The following ZNF605 variants were observed in gnomAD, a reference collection of about 807,000 sequenced individuals.
The protein encoded by ZNF605 is zinc finger protein 605.
In ZNF605, 9 loss-of-function variants were observed where a neutral mutation model predicts 7.9. That is an observed-to-expected ratio of 1.14 (90% CI 0.68 to 1.98). ZNF605 has a LOEUF of 1.98. Among genes scored for constraint, ZNF605 ranks in the 30% most tolerant of loss-of-function variants. The probability of loss-of-function intolerance (pLI) is 0.00; values close to 1 mark genes in which losing one functional copy is unlikely to be tolerated. For synonymous variants in ZNF605, 255 were observed against 260.1 expected, an observed-to-expected ratio of 0.98 and a Z score of 0.19; for missense variants, 673 against 762.4, an observed-to-expected ratio of 0.88 and a Z score of 1.38.
At position 132,922,403 on chromosome 12, in the gene ZNF605, C is replaced by T. The variant is rs1023429619; in HGVS notation, c.*2970G>A. On this transcript the variant is annotated 3_prime_UTR_variant, in exon 5 of 5. Coordinates refer to ENST00000360187, the MANE Select transcript of ZNF605 (RefSeq NM_183238.4). ...TGGTAACAATCTCCAGAGCCACTGA[C>T]ATATGCAGCAGAAAAGCACAAAGAA... 5.9e-5 allele frequency: 9 copies of T among 152,264 alleles called. No homozygotes were observed. The highest frequency in any genetic ancestry group is 2.2e-4 in the African/African-American group (9 of 41,558). The allele number at this position is 152,264 out of a possible 1,614,324, so 9.4% of individuals were successfully genotyped here.
intron 1 of ZNF605, among the ~76,000 whole-genome samples, chr12:132,950,766 C>T (rs1401996794): frequency 6.8e-6 from 1 of 146,910 alleles, no homozygotes; most frequent in African/African-American, 2.6e-5. Flanking sequence ...AACACACGTA[C>T]ATCACAGACA....
At chr12:132,942,366 G>A (rs1456953576) in intron 3 of ZNF605, among the ~76,000 whole-genome samples, 2 of 152,198 alleles carry the variant, frequency 1.3e-5, no homozygotes, top group African/African-American at 4.8e-5. Flanking sequence ...GCTTCCTCAC[G>A]GTGCTGACGA....
Position 132,926,453 on chromosome 12 carries a change from ACTGTAGGGTTTCT to A in ZNF605, c.833_845del (p.Glu278ValfsTer13). The A allele has an allele frequency of 6.2e-7, 1 of 1,613,496 alleles. No individual in the cohort carries two copies. Among genetic ancestry groups the A allele is most frequent in the Non-Finnish European group, 8.5e-7 (1 of 1,179,878 alleles). On this transcript the variant is annotated frameshift_variant, in exon 5 of 5. Transcript: ENST00000360187. LOFTEE classifies it low-confidence loss of function (END_TRUNC). ...AGAATGCTTTCCCACACTCACTGCA[ACTGTAGGGTTTCT>A]CTATTGTGTGCGTTATCTGATGTCT...
intron 3 of ZNF605, among the ~76,000 whole-genome samples, chr12:132,939,410 A>C: frequency 6.6e-6 from 1 of 152,130 alleles, no homozygotes; most frequent in Non-Finnish European, 1.5e-5. Flanking sequence ...CTCTGTATCT[A>C]GCTCAAGGTT....
In ZNF605 at chr12:132,941,296, T is replaced by C. The variant is rs1482455106; in HGVS notation, c.15+4325A>G. Among the ~76,000 whole-genome samples, 3 of 152,158 alleles carry C rather than the reference T, an allele frequency of 2.0e-5. No homozygotes were observed. Among genetic ancestry groups the C allele is most frequent in the Non-Finnish European group, 4.4e-5 (3 of 68,038 alleles). ...AAGACGGTGAACCACGGGAAACAGC[T>C]GTCCTGCTTTCCAGACTCTGGTCAA... On this transcript the variant is annotated intron_variant, in intron 3 of 4. Coordinates refer to ENST00000360187, the MANE Select transcript of ZNF605 (RefSeq NM_183238.4). This position sits in a 1 kb window ranked among gnomAD's most constrained non-coding sequence, Gnocchi z 5.1.
Position 132,933,359 on chromosome 12 carries a change from T to C in ZNF605, c.16-204A>G, listed in dbSNP as rs1300999660. Among the ~76,000 whole-genome samples, 1 of 152,188 alleles carries C rather than the reference T, an allele frequency of 6.6e-6. No individual in the cohort carries two copies. The highest frequency in any genetic ancestry group is 1.5e-5 in the Non-Finnish European group (1 of 68,030). On this transcript the variant is annotated intron_variant, in intron 3 of 4. Transcript: ENST00000360187. The surrounding 1 kb of genome is among the most constrained non-coding windows in gnomAD (Gnocchi z 4.4). ...TCCTGAACAGAACAGGGAAACATGA[T>C]GAGATGCCACTTCCAAGACTAGGTT...
At chr12:132,949,686 G>C (rs2650024) in intron 1 of ZNF605, among the ~76,000 whole-genome samples, 90,137 of 151,482 alleles carry the variant, frequency 0.6, 28,718 homozygotes, top group South Asian at 0.8. Context: ...CTCAGGTCAT[G>C]AGGGGAGACA....
At position 132,926,058 on chromosome 12, in the gene ZNF605, A is replaced by G; in HGVS notation, c.1241T>C (p.Ile414Thr). ...TCCATATGGTTTCTCTCCTAAGTGA[A>G]TTTTTTGATGTCTTATTAACTCTGA... ...KKSELIRHQK[I>T]HLGEKPYGCI... The change falls in exon 5 of 5, where the codon ATT becomes ACT. Residue 414 changes from isoleucine (I) to threonine (T), a missense_variant. Coordinates refer to ENST00000360187, the MANE Select transcript of ZNF605 (RefSeq NM_183238.4). The G allele has an allele frequency of 1.9e-6, 3 of 1,614,140 alleles. No individual in the cohort carries two copies. In the South Asian group the frequency reaches 3.3e-5, roughly 18 times the overall value.
At chr12:132,934,864 T>TA (rs985284415) in intron 3 of ZNF605, among the ~76,000 whole-genome samples, 3 of 152,026 alleles carry the variant, frequency 2.0e-5, no homozygotes, top group African/African-American at 7.2e-5. Flanking sequence ...AAAACGGGGA[T>TA]AAAAACACTG....
In ZNF605 at chr12:132,927,164, T is replaced by TA; in HGVS notation, c.137-3dup. On this transcript the variant is annotated splice_polypyrimidine_tract_variant and splice_region_variant and intron_variant, in intron 4 of 4. Coordinates refer to ENST00000360187, the MANE Select transcript of ZNF605 (RefSeq NM_183238.4). The stretch of plus-strand genomic sequence containing the variant: ...TTTTGGGATTATCTAGCCAGACTTC[T>TA]AAAAAGAGAAAAAAATGAACCATAC... 1 of 1,538,958 alleles carries TA rather than the reference T, an allele frequency of 6.5e-7. No individual in the cohort carries two copies. The highest frequency in any genetic ancestry group is 8.7e-7 in the Non-Finnish European group (1 of 1,154,336).
In ZNF605 at chr12:132,941,106, G is replaced by A. The variant is rs2137148496; in HGVS notation, c.15+4515C>T. ...CAAAAAGACTCCAGTGCTGACCCAG[G>A]AAACACAACCACCCAACTGCGCTTG... is the stretch of plus-strand genomic sequence containing the variant. On this transcript the variant is annotated intron_variant, in intron 3 of 4. Coordinates refer to ENST00000360187, the MANE Select transcript of ZNF605 (RefSeq NM_183238.4). This position sits in a 1 kb window ranked among gnomAD's most constrained non-coding sequence, Gnocchi z 5.1. Among the ~76,000 whole-genome samples, 1 of 152,192 alleles carries A rather than the reference G, an allele frequency of 6.6e-6. No individual in the cohort carries two copies. Among genetic ancestry groups the A allele is most frequent in the East Asian group, 1.9e-4 (1 of 5,178 alleles).
At chr12:132,950,703 GCACA>G (rs79312637) in intron 1 of ZNF605, among the ~76,000 whole-genome samples, 2 of 151,042 alleles carry the variant, frequency 1.3e-5, no homozygotes, top group African/African-American at 4.9e-5. Flanking sequence ...ACACAGACAT[GCACA>G]CACACTCACA....
At chr12:132,944,997 C>T (rs1437265818) in intron 3 of ZNF605, 1 of 184,064 alleles carries the variant, frequency 5.4e-6, no homozygotes, top group African/African-American at 2.4e-5. Context: ...AACTTTAAGA[C>T]TTTTGTATGA....
chr12:132,937,970 C>T (rs1199538363), intron 3 of ZNF605, among the ~76,000 whole-genome samples: 1 of 147,144 alleles, frequency 6.8e-6, no homozygotes, highest in Non-Finnish European at 1.5e-5. Context: ...ATATGTGATC[C>T]CATTTATTTA....
chr12:132,932,716 A>AAAT, intron 4 of ZNF605: 1 of 1,528,946 alleles, frequency 6.5e-7, no homozygotes, highest in South Asian at 1.2e-5. Context: ...TCCTCACCTG[A>AAAT]AAAGTTCTGA....
At chr12:132,931,428 G>GTATAGTATAT (rs1952308431) in intron 4 of ZNF605, among the ~76,000 whole-genome samples, 1 of 152,194 alleles carries the variant, frequency 6.6e-6, no homozygotes, top group South Asian at 2.1e-4. Flanking sequence ...CATCAGGCCT[G>GTATAGTATAT]AGTTACTATA....
rs1412636937 is a variant in ZNF605 at position 132,945,733 on chromosome 12, T to C, written c.-98A>G. 4 of 1,558,952 alleles carry C rather than the reference T, an allele frequency of 2.6e-6. No individual in the cohort carries two copies. Among genetic ancestry groups the C allele is most frequent in the Admixed American group, 1.7e-5 (1 of 59,900 alleles). On this transcript the variant is annotated 5_prime_UTR_variant, in exon 3 of 5. The change abolishes an upstream ATG in the 5' untranslated region. Coordinates refer to ENST00000360187, the MANE Select transcript of ZNF605 (RefSeq NM_183238.4). Reference sequence around the variant, plus strand: ...CAGTGGTCTGTAAACTGAGAATACATCCTTGGTCTTGTGGGCTCTTCTTTC... The same window carrying C: ...CAGTGGTCTGTAAACTGAGAATACACCCTTGGTCTTGTGGGCTCTTCTTTC...
chr12:132,945,900 C>G, intron 2 of ZNF605, 103 bp from the exon 3 acceptor site: 1 of 607,048 alleles, frequency 1.6e-6, no homozygotes, highest in South Asian at 2.0e-5. Flanking sequence ...AAGTCTCGAA[C>G]TAGATGTTGG....
chr12:132,945,682 C>A lies in ZNF605; in HGVS notation c.-47G>T. On this transcript the variant is annotated 5_prime_UTR_variant, in exon 3 of 5. Coordinates refer to ENST00000360187, the MANE Select transcript of ZNF605 (RefSeq NM_183238.4). ...CTGCTGTTTTGTGACTTCTCTTAGT[C>A]CTGACACCCTGGAGTGGCCTCTGGT... 2 of 1,614,194 alleles carry A rather than the reference C, an allele frequency of 1.2e-6. No individual in the cohort carries two copies. The highest frequency in any genetic ancestry group is 1.7e-6 in the Non-Finnish European group (2 of 1,180,030).
Sources: gnomAD v4.1 joint callset for allele counts (sites outside exome capture counted in the v4.1 genomes callset) on GRCh38, gnomAD v4.1.1 for gene constraint, Gnocchi (gnomAD v3.1) non-coding constraint, MANE v1.5 for transcripts, NCBI Gene and HGNC (gene_info 2026-07-23, HGNC 2026-07-21) for gene names.